UNC5C: variants seen among roughly 807,000 people sequenced by gnomAD.
UNC5C encodes the protein netrin receptor UNC5C.
Under a neutral mutation model 99.8 loss-of-function variants are expected in UNC5C, and 47 were observed. The ratio of observed to expected loss-of-function variants is 0.47; its 90% CI spans 0.37 to 0.60. The LOEUF (loss-of-function observed/expected upper bound fraction) is 0.60. Among genes scored for constraint, UNC5C ranks in the 20% least tolerant of loss-of-function variants. The pLI is 0.00. For synonymous variants in UNC5C, 487 were observed against 452.2 expected, an observed-to-expected ratio of 1.08 and a Z score of -0.98; for missense variants, 1,062 against 1,165.9, an observed-to-expected ratio of 0.91 and a Z score of 1.30.
intron 1 of UNC5C, among the ~76,000 whole-genome samples, chr4:95,390,671 A>G (rs1205788433): frequency 6.6e-6 from 1 of 152,176 alleles, no homozygotes; most frequent in Non-Finnish European, 1.5e-5. Flanking sequence ...TGACACTTAC[A>G]TAATGCTTTA....
chr4:95,332,425 C>G (rs1743151830), intron 2 of UNC5C, among the ~76,000 whole-genome samples: 1 of 146,518 alleles, frequency 6.8e-6, no homozygotes. Context: ...CACATATCTA[C>G]AACTATCTGA....
chr4:95,308,415 A>G (rs1438923851), intron 2 of UNC5C, among the ~76,000 whole-genome samples: 2 of 152,150 alleles, frequency 1.3e-5, no homozygotes, highest in South Asian at 2.1e-4. Flanking sequence ...AGAGCTGTAC[A>G]CTGCAAACAA....
intron 1 of UNC5C, among the ~76,000 whole-genome samples, chr4:95,480,134 T>G (rs1721089889): frequency 6.6e-6 from 1 of 151,450 alleles, no homozygotes; most frequent in Non-Finnish European, 1.5e-5. Context: ...GACTTCTCAG[T>G]CTCTATAACT....
chr4:95,263,290 T>A (rs1740314749), intron 4 of UNC5C, among the ~76,000 whole-genome samples: 1 of 150,948 alleles, frequency 6.6e-6, no homozygotes, highest in Non-Finnish European at 1.5e-5. Context: ...ACTATTTAAT[T>A]TTTTTGATAA....
At chr4:95,338,657 A>G (rs1172105838) in intron 1 of UNC5C, among the ~76,000 whole-genome samples, 2 of 152,090 alleles carry the variant, frequency 1.3e-5, no homozygotes, top group African/African-American at 2.4e-5. Flanking sequence ...AGCAGGGACT[A>G]TATTGATTTC....
At chr4:95,268,036 G>A (rs944047895) in intron 4 of UNC5C, among the ~76,000 whole-genome samples, 3 of 140,206 alleles carry the variant, frequency 2.1e-5, no homozygotes, top group African/African-American at 5.3e-5. Context: ...TGCAAGCTCC[G>A]CCTCCCAGGT....
chr4:95,453,786 T>C (rs953652987), intron 1 of UNC5C, among the ~76,000 whole-genome samples: 2 of 152,086 alleles, frequency 1.3e-5, no homozygotes, highest in Non-Finnish European at 2.9e-5. Context: ...GAAGGCTGCT[T>C]ATGGTGAGAC....
At chr4:95,543,464 C>T (rs897343827) in intron 1 of UNC5C, among the ~76,000 whole-genome samples, 1 of 152,114 alleles carries the variant, frequency 6.6e-6, no homozygotes, top group Non-Finnish European at 1.5e-5. Flanking sequence ...AACGAAACTT[C>T]CTATTGCAAA....
intron 1 of UNC5C, among the ~76,000 whole-genome samples, chr4:95,523,887 A>T (rs1469257823): frequency 6.6e-6 from 1 of 152,228 alleles, no homozygotes; most frequent in Non-Finnish European, 1.5e-5. Context: ...AAGGTTCACA[A>T]ATAATTTATT....
At chr4:95,195,559 G>A (rs562852338) in intron 12 of UNC5C, among the ~76,000 whole-genome samples, 10 of 152,250 alleles carry the variant, frequency 6.6e-5, no homozygotes, top group South Asian at 2.1e-4. Flanking sequence ...AGAAGCAAGC[G>A]TGAGGAGTTC....
intron 4 of UNC5C, among the ~76,000 whole-genome samples, chr4:95,261,366 G>A (rs1359667446): frequency 1.3e-5 from 2 of 152,052 alleles, no homozygotes; most frequent in Non-Finnish European, 2.9e-5. Context: ...TGATTTTAGG[G>A]GCATCAGGAA....
At chr4:95,439,607 T>C (rs1382133591) in intron 1 of UNC5C, among the ~76,000 whole-genome samples, 1 of 152,142 alleles carries the variant, frequency 6.6e-6, no homozygotes, top group African/African-American at 2.4e-5. Flanking sequence ...GAATATGTAA[T>C]TGAAACTTTT....
intron 4 of UNC5C, among the ~76,000 whole-genome samples, chr4:95,272,092 A>G (rs1740686954): frequency 6.6e-6 from 1 of 152,178 alleles, no homozygotes; most frequent in Admixed American, 6.5e-5. Context: ...GTCATCCGCA[A>G]TCCCCAACAA....
At chr4:95,275,786 C>A (rs1339496472) in intron 4 of UNC5C, among the ~76,000 whole-genome samples, 2 of 152,144 alleles carry the variant, frequency 1.3e-5, no homozygotes, top group African/African-American at 4.8e-5. Flanking sequence ...TAGCCATATG[C>A]TTATACAACA....
At chr4:95,528,647 G>C (rs1364774895) in intron 1 of UNC5C, among the ~76,000 whole-genome samples, 1 of 152,116 alleles carries the variant, frequency 6.6e-6, no homozygotes, top group Non-Finnish European at 1.5e-5. Context: ...TGGATTGGAG[G>C]CCCATTTTGC....
chr4:95,492,651 A>G (rs543962194), intron 1 of UNC5C, among the ~76,000 whole-genome samples: 4 of 151,536 alleles, frequency 2.6e-5, no homozygotes, highest in Non-Finnish European at 5.9e-5. Flanking sequence ...GTTATCACAC[A>G]CACAAAAATC....
chr4:95,466,730 A>G (rs1747790297), intron 1 of UNC5C, among the ~76,000 whole-genome samples: 1 of 152,192 alleles, frequency 6.6e-6, no homozygotes. Flanking sequence ...TTTTACTTTT[A>G]AAAGCCATTC....
intron 2 of UNC5C, among the ~76,000 whole-genome samples, chr4:95,327,487 C>A (rs1742933520): frequency 6.6e-6 from 1 of 151,972 alleles, no homozygotes; most frequent in Non-Finnish European, 1.5e-5. Context: ...ATATGTTTCT[C>A]CAGAAAAATT....
intron 12 of UNC5C, among the ~76,000 whole-genome samples, chr4:95,191,747 C>T (rs1459763993): frequency 6.7e-6 from 1 of 149,182 alleles, no homozygotes; most frequent in Non-Finnish European, 1.5e-5. Flanking sequence ...TCACATCCTC[C>T]TCTGCTTACC....
Sources: allele counts gnomAD v4.1 joint callset (sites outside exome capture counted in the v4.1 genomes callset), GRCh38; gene constraint gnomAD v4.1.1; transcripts MANE v1.5; gene names NCBI Gene and HGNC (gene_info 2026-07-23, HGNC 2026-07-21).